The following VWA8 variants were observed in gnomAD, a reference collection of about 807,000 sequenced individuals.
VWA8 encodes von Willebrand factor A domain containing 8, also known as von Willebrand factor A domain-containing protein 8.
In VWA8, 221 loss-of-function variants were observed where a neutral mutation model predicts 241.5. The ratio of observed to expected loss-of-function variants is 0.91; its 90% CI spans 0.82 to 1.02. The LOEUF (loss-of-function observed/expected upper bound fraction) is 1.02, where lower values mean the gene tolerates loss of function less well. Among genes scored for constraint, VWA8 ranks in the 50% least tolerant of loss-of-function variants. VWA8 has a pLI of 0.00. For synonymous variants in VWA8, 852 were observed against 827.1 expected (o/e 1.03, Z -0.52); for missense variants, 2,322 against 2,328.7 (o/e 1.00, Z 0.06).
At chr13:41,678,807 A>G (rs1048049005) in intron 35 of VWA8, among the ~76,000 whole-genome samples, 1 of 152,228 alleles carries the variant, frequency 6.6e-6, no homozygotes, top group African/African-American at 2.4e-5. Context: ...TCCTGGTATT[A>G]AGAACTATTT....
intron 26 of VWA8, among the ~76,000 whole-genome samples, chr13:41,709,738 C>A (rs2045304241): frequency 6.6e-6 from 1 of 151,634 alleles, no homozygotes; most frequent in Non-Finnish European, 1.5e-5. Flanking sequence ...GCTCTAACTT[C>A]ACATGAGTCA....
intron 21 of VWA8, among the ~76,000 whole-genome samples, chr13:41,733,693 T>C (rs1400246938): frequency 1.3e-5 from 2 of 152,040 alleles, no homozygotes; most frequent in Non-Finnish European, 2.9e-5. Flanking sequence ...TTGTGACCCA[T>C]ATATCCCCCA....
At chr13:41,667,343 T>C (rs2044993323) in intron 37 of VWA8, among the ~76,000 whole-genome samples, 1 of 152,206 alleles carries the variant, frequency 6.6e-6, no homozygotes, top group Admixed American at 6.5e-5. Flanking sequence ...TTAGTTATCT[T>C]TTCCATGTAT....
intron 21 of VWA8, among the ~76,000 whole-genome samples, chr13:41,741,084 C>T (rs773245325): frequency 2.6e-5 from 4 of 152,132 alleles, no homozygotes; most frequent in Non-Finnish European, 4.4e-5. Context: ...CACTATTTTA[C>T]GTACTTAACA....
At chr13:41,830,175 G>A (rs532743779) in intron 14 of VWA8, among the ~76,000 whole-genome samples, 13 of 151,224 alleles carry the variant, frequency 8.6e-5, no homozygotes, top group South Asian at 4.2e-4. Flanking sequence ...CCTGGGAGGC[G>A]GAGCTTGCAA....
chr13:41,882,818 GGGGAGA>G (rs144726549), intron 9 of VWA8, among the ~76,000 whole-genome samples: 90 of 146,962 alleles, frequency 6.1e-4, no homozygotes, highest in Admixed American at 2.5e-3. Flanking sequence ...GGGAGACCGT[GGGGAGA>G]GGGAGAGGGA....
At chr13:41,781,488 AT>A (rs1275913493) in intron 19 of VWA8, among the ~76,000 whole-genome samples, 1 of 152,158 alleles carries the variant, frequency 6.6e-6, no homozygotes, top group African/African-American at 2.4e-5. Flanking sequence ...TGTAGTAACT[AT>A]GTGTACTTAC....
chr13:41,936,684 C>A (rs1050129346), intron 2 of VWA8, among the ~76,000 whole-genome samples: 1 of 152,020 alleles, frequency 6.6e-6, no homozygotes. Context: ...ATCTATTGTA[C>A]AATATAGTGA....
intron 24 of VWA8, among the ~76,000 whole-genome samples, chr13:41,726,453 T>C (rs918036579): frequency 4.6e-5 from 7 of 152,208 alleles, no homozygotes; most frequent in African/African-American, 9.6e-5. Context: ...TTAAAGACTT[T>C]TGATGAGTAA....
At chr13:41,807,233 G>A (rs548482737) in intron 17 of VWA8, among the ~76,000 whole-genome samples, 35 of 152,222 alleles carry the variant, frequency 2.3e-4, no homozygotes, top group South Asian at 1.0e-3. Context: ...GGCCCTGATC[G>A]CTTGCCTGCT....
At chr13:41,591,560 T>C (rs2044454895) in intron 40 of VWA8, among the ~76,000 whole-genome samples, 2 of 152,128 alleles carry the variant, frequency 1.3e-5, no homozygotes, top group African/African-American at 4.8e-5. Flanking sequence ...TTTCGCAACC[T>C]ACTCATCTGA....
intron 37 of VWA8, among the ~76,000 whole-genome samples, chr13:41,630,148 T>C (rs74049402): frequency 2.1e-3 from 318 of 152,314 alleles, no homozygotes; most frequent in African/African-American, 7.3e-3. Flanking sequence ...TCCCTGGTCC[T>C]AAAGACAAAT....
At chr13:41,700,145 CA>C (rs2045240319) in intron 28 of VWA8, among the ~76,000 whole-genome samples, 2 of 152,212 alleles carry the variant, frequency 1.3e-5, no homozygotes, top group South Asian at 4.1e-4. Context: ...ATCTATTTTA[CA>C]ACAGTCATAT....
intron 40 of VWA8, among the ~76,000 whole-genome samples, chr13:41,603,013 C>A (rs1282203571): frequency 6.6e-6 from 1 of 151,934 alleles, no homozygotes; most frequent in Admixed American, 6.6e-5. Flanking sequence ...ATTAGTTAAG[C>A]CTATTTTCTC....
chr13:41,695,134 A>G (rs1331413921), intron 29 of VWA8, among the ~76,000 whole-genome samples: 2 of 152,136 alleles, frequency 1.3e-5, no homozygotes, highest in African/African-American at 2.4e-5. Context: ...AGGAGACGCG[A>G]GTGAGCAATT....
At chr13:41,798,201 T>C (rs1869790009) in intron 17 of VWA8, among the ~76,000 whole-genome samples, 1 of 152,228 alleles carries the variant, frequency 6.6e-6, no homozygotes, top group African/African-American at 2.4e-5. Flanking sequence ...AATACTTCCC[T>C]ATATTGGTAT....
intron 4 of VWA8, 25 bp from the exon 5 acceptor site, chr13:41,891,612 A>G: frequency 6.2e-7 from 1 of 1,612,610 alleles, no homozygotes. Flanking sequence ...CGTAAAAGCA[A>G]AATGAGAATA....
chr13:41,840,206 C>T (rs536155179), intron 12 of VWA8, among the ~76,000 whole-genome samples: 1 of 152,134 alleles, frequency 6.6e-6, no homozygotes, highest in East Asian at 1.9e-4. Flanking sequence ...GTGATTTTTG[C>T]ACATTGACTT....
In VWA8 at chr13:41,568,614, T is replaced by C. The variant is rs117518276; in HGVS notation, c.5610-309A>G. Reference sequence around the variant, plus strand: ...CCATTTCTTGGTATTTCATATTCTTTTGGTATAACAGAGCCATAGGGATTC... The same window carrying C: ...CCATTTCTTGGTATTTCATATTCTTCTGGTATAACAGAGCCATAGGGATTC... On this transcript the variant is annotated intron_variant, in intron 44 of 44. Transcript: ENST00000379310. Among the ~76,000 whole-genome samples, 5 of 152,326 alleles carry C rather than the reference T, an allele frequency of 3.3e-5. No homozygotes were observed. The East Asian group carries it at 7.7e-4, about 24-fold the overall frequency.
Sources: allele counts gnomAD v4.1 joint callset (sites outside exome capture counted in the v4.1 genomes callset), GRCh38; gene constraint gnomAD v4.1.1; transcripts MANE v1.5; gene names NCBI Gene and HGNC (gene_info 2026-07-23, HGNC 2026-07-21).